The following GTF2H5 variants were observed in gnomAD, a reference collection of about 807,000 sequenced individuals.
GTF2H5 encodes the protein general transcription factor IIH subunit 5, also known as TFB5 ortholog.
In GTF2H5, 5 loss-of-function variants were observed where a neutral mutation model predicts 7.1. The observed-to-expected ratio is 0.71, with a 90% CI of 0.37 to 1.49. The LOEUF is 1.49. Among genes scored for constraint, GTF2H5 ranks in the 40% most tolerant of loss-of-function variants. The probability of loss-of-function intolerance (pLI) is 0.03; values close to 1 mark genes in which losing one functional copy is unlikely to be tolerated. For missense variants in GTF2H5, 80 were observed against 83.0 expected (o/e 0.96, Z 0.14); for synonymous variants, 30 against 31.7 (o/e 0.95, Z 0.18).
chr6:158,169,396 AT>A (rs1562467802), intron 1 of GTF2H5, among the ~76,000 whole-genome samples: 1 of 70,650 alleles, frequency 1.4e-5, no homozygotes, highest in East Asian at 7.0e-4. Flanking sequence ...TATATATAAT[AT>A]TATATTGTAT....
intron 2 of GTF2H5, among the ~76,000 whole-genome samples, chr6:158,182,326 C>T (rs186904579): frequency 6.6e-6 from 1 of 152,316 alleles, no homozygotes; most frequent in African/African-American, 2.4e-5. Context: ...TTCATTTCAA[C>T]CTTGGTGAAT....
chr6:158,179,167 G>A (rs1007560459), intron 2 of GTF2H5, among the ~76,000 whole-genome samples: 3 of 152,120 alleles, frequency 2.0e-5, no homozygotes, highest in Non-Finnish European at 2.9e-5. Flanking sequence ...GATGTGTGGT[G>A]TTATTTCTGA....
At chr6:158,183,123 A>C (rs1036884700) in intron 2 of GTF2H5, among the ~76,000 whole-genome samples, 4 of 152,052 alleles carry the variant, frequency 2.6e-5, no homozygotes, top group African/African-American at 9.7e-5. Context: ...TTTTCCTTCT[A>C]ACAGACAGGA....
intron 2 of GTF2H5, among the ~76,000 whole-genome samples, chr6:158,179,302 T>A (rs959127164): frequency 1.3e-5 from 2 of 152,228 alleles, no homozygotes; most frequent in African/African-American, 2.4e-5. Flanking sequence ...TTTGTTCTTC[T>A]TGCACAGGAT....
chr6:158,170,000 G>A (rs533917420), intron 1 of GTF2H5, among the ~76,000 whole-genome samples: 23 of 151,080 alleles, frequency 1.5e-4, no homozygotes, highest in African/African-American at 5.4e-4. Context: ...CAGCCTGGGC[G>A]GCAGAGCCAG....
chr6:158,168,704 T>G (rs1785681345), intron 1 of GTF2H5, among the ~76,000 whole-genome samples: 1 of 152,256 alleles, frequency 6.6e-6, no homozygotes, highest in Admixed American at 6.5e-5. Flanking sequence ...CGTGATTTAT[T>G]TAGTGAAGGG....
chr6:158,169,453 TTA>T lies in GTF2H5; in HGVS notation c.-34-1009_-34-1008del, dbSNP rs1261853606. 4.2e-4 allele frequency among the ~76,000 whole-genome samples: 24 copies of T among 57,544 alleles called. No individual in the cohort carries two copies. In the South Asian group the frequency reaches 4.3e-3, roughly 10 times the overall value. The allele number at this position is 57,544 out of a possible 152,430, so 37.8% of individuals were successfully genotyped here. A position where few individuals can be genotyped will look rare whatever the true frequency, so the allele number is the denominator to read the frequency against. ...TATTGTATATTATATATATTATATA[TTA>T]TATATATTATATTGTATATTATATA... On this transcript the variant is annotated intron_variant, in intron 1 of 2. Coordinates refer to ENST00000607778, the MANE Select transcript of GTF2H5 (RefSeq NM_207118.3).
intron 2 of GTF2H5, among the ~76,000 whole-genome samples, chr6:158,185,777 G>C (rs1371964145): frequency 6.6e-6 from 1 of 152,128 alleles, no homozygotes; most frequent in East Asian, 1.9e-4. Flanking sequence ...GGAGGCCGAG[G>C]CGGGTGGGTT....
chr6:158,183,509 T>C (rs1273036461), intron 2 of GTF2H5, among the ~76,000 whole-genome samples: 2 of 152,218 alleles, frequency 1.3e-5, no homozygotes, highest in African/African-American at 4.8e-5. Flanking sequence ...AGAGAGGCAG[T>C]AGGCCTTGCT....
rs1477035732 is a variant in GTF2H5, at chr6:158,198,276, A to T, written c.*6119A>T. The T allele has an allele frequency of 2.0e-5, 3 of 152,240 alleles. No individual in the cohort carries two copies. Among genetic ancestry groups the T allele is most frequent in the Non-Finnish European group, 4.4e-5 (3 of 68,044 alleles). 9.4% of individuals were successfully genotyped at this position (152,240 alleles called of 1,614,324 possible). On this transcript the variant is annotated 3_prime_UTR_variant, in exon 3 of 3. Transcript: ENST00000607778. ...ACTGTCTCTGAGTAACTCTACCAGG[A>T]AAGTTGTCTGGAGGGTTAACATTTC... is the stretch of plus-strand genomic sequence containing the variant.
rs34957535 is a variant in GTF2H5, at chr6:158,196,628, G to GTTT, written c.*4471_*4472insTTT. ...ATCAGTTTAAATAGAGCCCCTGTCAGAACAATATGAATTCTGCTAAAACTG... is the reference window on the plus strand; with the variant it reads ...ATCAGTTTAAATAGAGCCCCTGTCAGTTTAACAATATGAATTCTGCTAAAACTG... On this transcript the variant is annotated 3_prime_UTR_variant, in exon 3 of 3. Transcript: ENST00000607778. 1 of 152,136 alleles carries GTTT rather than the reference G, an allele frequency of 6.6e-6. No individual in the cohort carries two copies. Among genetic ancestry groups the GTTT allele is most frequent in the Admixed American group, 6.5e-5 (1 of 15,270 alleles). The allele number at this position is 152,136 out of a possible 1,614,324, so 9.4% of individuals were successfully genotyped here. A position where few individuals can be genotyped will look rare whatever the true frequency, so the allele number is the denominator to read the frequency against.
At chr6:158,168,819 C>T (rs949758136) in intron 1 of GTF2H5, among the ~76,000 whole-genome samples, 1 of 152,210 alleles carries the variant, frequency 6.6e-6, no homozygotes, top group Admixed American at 6.5e-5. Context: ...TGGCTGAGGC[C>T]GGGCGCGGTG....
At chr6:158,169,390 T>C (rs1208341322) in intron 1 of GTF2H5, among the ~76,000 whole-genome samples, 1 of 94,878 alleles carries the variant, frequency 1.1e-5, no homozygotes, top group Non-Finnish European at 1.9e-5. Context: ...ATATATTATA[T>C]ATAATATTAT....
At chr6:158,190,984 C>A (rs773887983) in intron 2 of GTF2H5, 1 of 497,230 alleles carries the variant, frequency 2.0e-6, no homozygotes, top group East Asian at 5.5e-5. Context: ...CCTATTCTTT[C>A]CAAACCAAAA....
At chr6:158,183,638 G>C (rs1162621976) in intron 2 of GTF2H5, among the ~76,000 whole-genome samples, 1 of 152,188 alleles carries the variant, frequency 6.6e-6, no homozygotes, top group African/African-American at 2.4e-5. Context: ...CCAAGCTCCG[G>C]TGTCCCAAGT....
intron 1 of GTF2H5, among the ~76,000 whole-genome samples, chr6:158,169,678 A>ATAACATATTGTATATT (rs1491452253): frequency 2.0e-4 from 10 of 48,886 alleles, no homozygotes; most frequent in Non-Finnish European, 3.3e-4. Flanking sequence ...TATATTATAT[A>ATAACATATTGTATATT]ATATATAATA....
intron 1 of GTF2H5, among the ~76,000 whole-genome samples, chr6:158,169,686 A>ATATATAATATATTGTATAT (rs1785787055): frequency 6.7e-5 from 2 of 29,758 alleles, no homozygotes; most frequent in African/African-American, 4.1e-4. Context: ...ATAATATATA[A>ATATATAATATATTGTATAT]TATATATTAT....
chr6:158,182,913 C>T (rs1786030017), intron 2 of GTF2H5, among the ~76,000 whole-genome samples: 2 of 152,078 alleles, frequency 1.3e-5, no homozygotes, highest in Admixed American at 6.6e-5. Flanking sequence ...CAGTTTTCTT[C>T]CCTTGCTGGT....
intron 2 of GTF2H5, among the ~76,000 whole-genome samples, chr6:158,175,704 C>T (rs1487950051): frequency 6.6e-6 from 1 of 151,546 alleles, no homozygotes; most frequent in Non-Finnish European, 1.5e-5. Flanking sequence ...GCAGAGGTTG[C>T]AGTGAGCCAA....
Sources: gnomAD v4.1 joint callset for allele counts (sites outside exome capture counted in the v4.1 genomes callset) on GRCh38, gnomAD v4.1.1 for gene constraint, MANE v1.5 for transcripts, NCBI Gene and HGNC (gene_info 2026-07-23, HGNC 2026-07-21) for gene names.